DGKB: variants seen among roughly 807,000 people sequenced by gnomAD.
The protein encoded by DGKB is diacylglycerol kinase beta, also known as 90 kDa diacylglycerol kinase.
DGKB carries 67 observed loss-of-function variants against 114.3 expected under a neutral mutation model. The ratio of observed to expected loss-of-function variants is 0.59; its 90% CI spans 0.48 to 0.72. DGKB has a LOEUF of 0.72. Among genes scored for constraint, DGKB ranks in the 30% least tolerant of loss-of-function variants. The probability of loss-of-function intolerance (pLI) is 0.00; values close to 1 mark genes in which losing one functional copy is unlikely to be tolerated. For synonymous variants in DGKB, 398 were observed against 323.1 expected, an observed-to-expected ratio of 1.23 and a Z score of -2.49; for missense variants, 907 against 975.2, an observed-to-expected ratio of 0.93 and a Z score of 0.93.
chr7:14,483,391 G>A (rs1783287927), intron 20 of DGKB, among the ~76,000 whole-genome samples: 1 of 152,180 alleles, frequency 6.6e-6, no homozygotes. Flanking sequence ...AGTGTCATCT[G>A]TATCTGATTT....
rs534459832 is a variant in DGKB, at chr7:14,376,320, G to C, written c.1836-30929C>G. On this transcript the variant is annotated intron_variant, in intron 21 of 25. Transcript: ENST00000402815. ...TACCCTGGTAACATTTTATATTTCTGAAAATTCGCCTTAATTTATATAAGT... is the reference window on the plus strand; with the variant it reads ...TACCCTGGTAACATTTTATATTTCTCAAAATTCGCCTTAATTTATATAAGT... Among the ~76,000 whole-genome samples, 200 of 152,264 alleles carry C rather than the reference G, an allele frequency of 1.3e-3. 1 individual carries two copies. Among genetic ancestry groups the C allele is most frequent in the African/African-American group, 4.7e-3 (196 of 41,546 alleles).
chr7:14,341,193 C>T (rs1811550616), intron 22 of DGKB, among the ~76,000 whole-genome samples: 1 of 151,696 alleles, frequency 6.6e-6, no homozygotes, highest in African/African-American at 2.4e-5. Flanking sequence ...ATTGATGTTC[C>T]TTTGAGAGCA....
chr7:14,171,417 T>C (rs970621612), intron 25 of DGKB, among the ~76,000 whole-genome samples: 2 of 152,204 alleles, frequency 1.3e-5, no homozygotes, highest in Non-Finnish European at 2.9e-5. Flanking sequence ...ATTAAAATCT[T>C]GTTGGCACTA....
intron 22 of DGKB, among the ~76,000 whole-genome samples, chr7:14,340,793 A>T (rs189307526): frequency 1.8e-4 from 27 of 151,976 alleles, no homozygotes; most frequent in Admixed American, 1.6e-3. Flanking sequence ...TTTAAATAAC[A>T]GAAGAATCAT....
intron 23 of DGKB, among the ~76,000 whole-genome samples, chr7:14,244,025 GAGAGAGAGAGAC>G (rs1299631160): frequency 6.8e-6 from 1 of 147,482 alleles, no homozygotes; most frequent in Non-Finnish European, 1.5e-5. Flanking sequence ...GAGAGATTCT[GAGAGAGAGAGAC>G]AGAGAGAGAG....
At chr7:14,792,960 A>G (rs976052525) in intron 2 of DGKB, among the ~76,000 whole-genome samples, 5 of 152,174 alleles carry the variant, frequency 3.3e-5, no homozygotes, top group Non-Finnish European at 5.9e-5. Flanking sequence ...AGAAAGACTA[A>G]TATTTGAGTT....
At chr7:14,357,671 G>C (rs1321498039) in intron 21 of DGKB, among the ~76,000 whole-genome samples, 5 of 152,176 alleles carry the variant, frequency 3.3e-5, no homozygotes, top group African/African-American at 1.2e-4. Context: ...CCCGTTAGTT[G>C]ATGCAGTTTC....
intron 21 of DGKB, among the ~76,000 whole-genome samples, chr7:14,368,573 C>CTCTCTG (rs10649333): frequency 2.0e-5 from 3 of 148,620 alleles, no homozygotes; most frequent in African/African-American, 7.4e-5. Context: ...GGTATTTTCT[C>CTCTCTG]TGTGTGTGTG....
At chr7:14,435,046 A>G (rs1355690503) in intron 21 of DGKB, among the ~76,000 whole-genome samples, 1 of 151,990 alleles carries the variant, frequency 6.6e-6, no homozygotes, top group East Asian at 1.9e-4. Context: ...ATAGCTGAAA[A>G]CTTTCTTTCC....
chr7:14,616,855 G>A (rs1055278911), intron 15 of DGKB, among the ~76,000 whole-genome samples: 1 of 151,752 alleles, frequency 6.6e-6, no homozygotes, highest in Non-Finnish European at 1.5e-5. Context: ...AAGAGAGAAA[G>A]TGTCTAGGAA....
chr7:14,539,858 G>A (rs1407610227), intron 20 of DGKB, among the ~76,000 whole-genome samples: 1 of 151,924 alleles, frequency 6.6e-6, no homozygotes, highest in Non-Finnish European at 1.5e-5. Context: ...AACCACTTCA[G>A]GGTATAATAC....
At chr7:14,498,266 T>G (rs1011482117) in intron 20 of DGKB, among the ~76,000 whole-genome samples, 4 of 151,872 alleles carry the variant, frequency 2.6e-5, no homozygotes, top group African/African-American at 4.8e-5. Flanking sequence ...CTTGCTCAAA[T>G]CTGTTTAAAT....
intron 21 of DGKB, among the ~76,000 whole-genome samples, chr7:14,357,852 A>T (rs893975678): frequency 2.0e-5 from 3 of 152,142 alleles, no homozygotes; most frequent in Admixed American, 6.6e-5. Flanking sequence ...TCCTTCACTT[A>T]TGAAGCTTAG....
chr7:14,725,478 T>C (rs1829880229), intron 5 of DGKB, among the ~76,000 whole-genome samples: 1 of 152,136 alleles, frequency 6.6e-6, no homozygotes, highest in African/African-American at 2.4e-5. Flanking sequence ...TGAAAAGAAA[T>C]TCCAATAATC....
chr7:14,653,881 A>G (rs1256593262), intron 13 of DGKB, among the ~76,000 whole-genome samples: 1 of 152,076 alleles, frequency 6.6e-6, no homozygotes, highest in East Asian at 1.9e-4. Flanking sequence ...AATTAGATAT[A>G]CCCCTACACA....
intron 6 of DGKB, among the ~76,000 whole-genome samples, chr7:14,704,244 T>G (rs7779071): frequency 0.52 from 76,471 of 146,068 alleles, 20,361 homozygotes; most frequent in East Asian, 0.87. Context: ...GACCATCCTG[T>G]CTAACACGGT....
chr7:14,734,335 G>A (rs2091258), intron 5 of DGKB, among the ~76,000 whole-genome samples: 94,600 of 151,912 alleles, frequency 0.62, 34,301 homozygotes, highest in Non-Finnish European at 0.81. Context: ...CACCGTGTCC[G>A]GCCTCTATAC....
At chr7:14,362,817 G>C (rs368952466) in intron 21 of DGKB, among the ~76,000 whole-genome samples, 1 of 151,956 alleles carries the variant, frequency 6.6e-6, no homozygotes, top group Non-Finnish European at 1.5e-5. Flanking sequence ...ACTGTTTAAC[G>C]GGCACGAGTT....
chr7:14,189,077 G>A (rs1315328317), intron 23 of DGKB, among the ~76,000 whole-genome samples: 1 of 152,104 alleles, frequency 6.6e-6, no homozygotes, highest in Non-Finnish European at 1.5e-5. Context: ...ATTACTAACA[G>A]GAAAACAAGT....
Sources: gnomAD v4.1 joint callset for allele counts (sites outside exome capture counted in the v4.1 genomes callset) on GRCh38, gnomAD v4.1.1 for gene constraint, MANE v1.5 for transcripts, NCBI Gene and HGNC (gene_info 2026-07-23, HGNC 2026-07-21) for gene names.